The following CASZ1 variants were observed in gnomAD, a reference collection of about 807,000 sequenced individuals.
CASZ1 encodes castor zinc finger 1.
CASZ1 carries 28 observed loss-of-function variants against 135.2 expected under a neutral mutation model. The observed-to-expected ratio is 0.21, with a 90% CI of 0.15 to 0.28. The LOEUF (loss-of-function observed/expected upper bound fraction) is 0.28, where lower values mean the gene tolerates loss of function less well. Among genes scored for constraint, CASZ1 ranks in the 10% least tolerant of loss-of-function variants. The pLI is 1.00. For missense variants in CASZ1, 2,161 were observed against 2,453.3 expected, an observed-to-expected ratio of 0.88 and a Z score of 2.52; for synonymous variants, 1,068 against 1,073.4, an observed-to-expected ratio of 0.99 and a Z score of 0.10.
chr1:10,654,430 G>A lies in CASZ1; in HGVS notation c.1827C>T (p.His609=). Residue 609 remains histidine (H), a synonymous_variant, in exon 10 of 21, where the codon CAC becomes CAT. Coordinates refer to ENST00000377022, the MANE Select transcript of CASZ1 (RefSeq NM_001079843.3). ...AGGCTCCCGCTTACCTGCAGTGGAA[G>A]TGCGTGGTCTTCTGTCCGTAGAACT... is the stretch of plus-strand genomic sequence containing the variant. ...DCQFYGQKTT[H]FHCRRPGCTF... 21 of 1,614,008 alleles carry A rather than the reference G, an allele frequency of 1.3e-5. No individual in the cohort carries two copies. The highest frequency in any genetic ancestry group is 1.4e-5 in the Non-Finnish European group (17 of 1,179,922).
At chr1:10,730,810 T>TA (rs1570534392) in intron 2 of CASZ1, among the ~76,000 whole-genome samples, 1 of 152,172 alleles carries the variant, frequency 6.6e-6, no homozygotes, top group Non-Finnish European at 1.5e-5. Context: ...CTGTGATTTT[T>TA]AAAAAACATC....
chr1:10,670,131 G>A lies in CASZ1; in HGVS notation c.17-4560C>T, dbSNP rs563254795. On this transcript the variant is annotated intron_variant, in intron 4 of 20. Transcript: ENST00000377022. ...CTGCCTTCCCACTGCCAGGCAGCTC[G>A]GGGGCCACTCTGGTAGCTGCCCTGG... Among the ~76,000 whole-genome samples, 16 of 152,306 alleles carry A rather than the reference G, an allele frequency of 1.1e-4. No homozygotes were observed. In the East Asian group the frequency reaches 1.4e-3, roughly 13 times the overall value.
In CASZ1 at chr1:10,756,443, G is replaced by A. The variant is rs577748918; in HGVS notation, c.-77+4258C>T. Among the ~76,000 whole-genome samples the A allele has an allele frequency of 3.3e-5, 5 of 152,358 alleles. No individual in the cohort carries two copies. The highest frequency in any genetic ancestry group is 6.5e-5 in the Admixed American group (1 of 15,314). On this transcript the variant is annotated intron_variant, in intron 2 of 20. Transcript: ENST00000377022. The surrounding 1 kb of genome is among the most constrained non-coding windows in gnomAD (Gnocchi z 5.9). ...GTTGCCAGCAAGGGCAAGTGCTCACGCGAGCCCGGCAGCCGGCTGTGACAG... is the reference window on the plus strand; with the variant it reads ...GTTGCCAGCAAGGGCAAGTGCTCACACGAGCCCGGCAGCCGGCTGTGACAG...
At chr1:10,675,819 G>C (rs1230901233) in intron 4 of CASZ1, among the ~76,000 whole-genome samples, 1 of 138,780 alleles carries the variant, frequency 7.2e-6, no homozygotes, top group Non-Finnish European at 1.5e-5. Context: ...AACAAAGGGA[G>C]AAAGTGGCCA....
rs2100449464 is a variant in CASZ1, at chr1:10,707,938, A to G, written c.-76-2394T>C. On this transcript the variant is annotated intron_variant, in intron 2 of 20. Coordinates refer to ENST00000377022, the MANE Select transcript of CASZ1 (RefSeq NM_001079843.3). This position sits in a 1 kb window ranked among gnomAD's most constrained non-coding sequence, Gnocchi z 5.0. ...GGGGCCCTACACTCAGCGGGGCTGA[A>G]GTGAAGTGAACTCTTCCAGGCTAAG... Among the ~76,000 whole-genome samples the G allele has an allele frequency of 6.6e-6, 1 of 152,302 alleles. No homozygotes were observed. Among genetic ancestry groups the G allele is most frequent in the South Asian group, 2.1e-4 (1 of 4,824 alleles).
Position 10,639,931 on chromosome 1 carries a change from G to A in CASZ1, c.4291C>T (p.Leu1431=), listed in dbSNP as rs1321042866. The change falls in exon 21 of 21, where the codon CTG becomes TTG. Residue 1431 remains leucine (L), a synonymous_variant. Coordinates refer to ENST00000377022, the MANE Select transcript of CASZ1 (RefSeq NM_001079843.3). This position sits in a 1 kb window ranked among gnomAD's most constrained non-coding sequence, Gnocchi z 4.0. ...AGGTCGAAGCGCCGGAAGCCCTCCA[G>A]CATCATGCCCTCGTCCAGCATCTTC... ...SRKMLDEGMM[L]EGFRRFDLYE... 2.5e-6 allele frequency: 4 copies of A among 1,612,854 alleles called. No homozygotes were observed. The highest frequency in any genetic ancestry group is 1.7e-6 in the Non-Finnish European group (2 of 1,180,028).
rs1033097086 is a variant in CASZ1, at chr1:10,717,917, C to T, written c.-76-12373G>A. On this transcript the variant is annotated intron_variant, in intron 2 of 20. Coordinates refer to ENST00000377022, the MANE Select transcript of CASZ1 (RefSeq NM_001079843.3). This position sits in a 1 kb window ranked among gnomAD's most constrained non-coding sequence, Gnocchi z 4.6. ...TGGTGGGCCTTTAAGGCTGTGCAGC[C>T]GCTGCGAGCACGCCTGGTCGCCTCA... Among the ~76,000 whole-genome samples, 4 of 152,244 alleles carry T rather than the reference C, an allele frequency of 2.6e-5. No homozygotes were observed. Among genetic ancestry groups the T allele is most frequent in the Non-Finnish European group, 5.9e-5 (4 of 68,042 alleles).
At chr1:10,703,627 A>T (rs1639109153) in intron 3 of CASZ1, among the ~76,000 whole-genome samples, 1 of 151,942 alleles carries the variant, frequency 6.6e-6, no homozygotes, top group Non-Finnish European at 1.5e-5. Flanking sequence ...TTTTTTTTTC[A>T]AGGTGCTCCC....
In CASZ1 at chr1:10,663,480, GC is replaced by G. The variant is rs551409227; in HGVS notation, c.505+1602del. ...ACCTCAAGCTACACAGGGTTGGGGGGCCCAGCTAGGGAGGAGTGGGCTCTGG... is the reference window on the plus strand; with the variant it reads ...ACCTCAAGCTACACAGGGTTGGGGGGCCAGCTAGGGAGGAGTGGGCTCTGG... On this transcript the variant is annotated intron_variant, in intron 5 of 20. Coordinates refer to ENST00000377022, the MANE Select transcript of CASZ1 (RefSeq NM_001079843.3). Among the ~76,000 whole-genome samples the G allele has an allele frequency of 2.0e-5, 3 of 152,358 alleles. No individual in the cohort carries two copies. The East Asian group carries it at 5.8e-4, about 29-fold the overall frequency.
chr1:10,744,097 C>T (rs557003204), intron 2 of CASZ1, among the ~76,000 whole-genome samples: 90 of 152,280 alleles, frequency 5.9e-4, no homozygotes, highest in Non-Finnish European at 9.1e-4. Context: ...TCAGCCCTTA[C>T]GCCTAGGGTA....
chr1:10,767,549 G>A lies in CASZ1; in HGVS notation c.-233-6692C>T, dbSNP rs192132784. Among the ~76,000 whole-genome samples, 64 of 152,286 alleles carry A rather than the reference G, an allele frequency of 4.2e-4. No homozygotes were observed. Among genetic ancestry groups the A allele is most frequent in the South Asian group, 1.2e-3 (6 of 4,820 alleles). ...GGAGGAGTCAGCAGCTGCCTGCCCCGAGAGGTTTGGTCCACACCTGCTCGG... is the reference window on the plus strand; with the variant it reads ...GGAGGAGTCAGCAGCTGCCTGCCCCAAGAGGTTTGGTCCACACCTGCTCGG... On this transcript the variant is annotated intron_variant, in intron 1 of 20. Transcript: ENST00000377022. This position sits in a 1 kb window ranked among gnomAD's most constrained non-coding sequence, Gnocchi z 4.2.
At position 10,762,163 on chromosome 1, in the gene CASZ1, G is replaced by T. The variant is rs1367658309; in HGVS notation, c.-233-1306C>A. On this transcript the variant is annotated intron_variant, in intron 1 of 20. Coordinates refer to ENST00000377022, the MANE Select transcript of CASZ1 (RefSeq NM_001079843.3). This position sits in a 1 kb window ranked among gnomAD's most constrained non-coding sequence, Gnocchi z 4.1. ...GGGGGAGTTGGCTCTTTGAAGGTGA[G>T]AGCTTCAGCATCAGCTCTGCCCTAC... Among the ~76,000 whole-genome samples the T allele has an allele frequency of 6.6e-6, 1 of 152,038 alleles. No homozygotes were observed. The highest frequency in any genetic ancestry group is 1.5e-5 in the Non-Finnish European group (1 of 67,994).
intron 1 of CASZ1, among the ~76,000 whole-genome samples, chr1:10,778,228 T>C (rs1332929303): frequency 1.3e-5 from 2 of 150,366 alleles, no homozygotes; most frequent in Non-Finnish European, 3.0e-5. Context: ...CACAATCTCA[T>C]ACACAATCAC....
chr1:10,677,020 G>A (rs568292296), intron 4 of CASZ1, among the ~76,000 whole-genome samples: 1 of 152,348 alleles, frequency 6.6e-6, no homozygotes, highest in South Asian at 2.1e-4. Context: ...CACGTAGGAC[G>A]TGAAGGAAAG....
At chr1:10,771,464 G>A (rs971155925) in intron 1 of CASZ1, among the ~76,000 whole-genome samples, 5 of 151,906 alleles carry the variant, frequency 3.3e-5, no homozygotes, top group Non-Finnish European at 4.4e-5. Context: ...AATCAGCCCT[G>A]TGAGGTACGC....
intron 1 of CASZ1, among the ~76,000 whole-genome samples, chr1:10,769,263 G>A (rs534637685): frequency 3.3e-5 from 5 of 152,380 alleles, no homozygotes; most frequent in Non-Finnish European, 7.3e-5. Context: ...GAACACTCCA[G>A]TGGCTGTGTG....
chr1:10,675,076 A>G (rs1329488142), intron 4 of CASZ1, among the ~76,000 whole-genome samples: 1 of 152,054 alleles, frequency 6.6e-6, no homozygotes, highest in African/African-American at 2.4e-5. Flanking sequence ...ACATTCCCAC[A>G]TCGCATAAAG....
rs147506563 is a variant in CASZ1, at chr1:10,653,798, G to A, written c.2259C>T (p.Ala753=). 4.1e-4 allele frequency: 665 copies of A among 1,609,802 alleles called. 5 individuals carry two copies. The East Asian group carries it at 4.8e-3, about 12-fold the overall frequency. ...GCCCAGCCTCGGTGGCGGCAGTGGC[G>A]GCAGCCAGGGACGCAGAGGACTGCT... ...TSQQSSASLA[A]ATAATEAGPS... Residue 753 remains alanine (A), a synonymous_variant, in exon 11 of 21, where the codon GCC becomes GCT. Coordinates refer to ENST00000377022, the MANE Select transcript of CASZ1 (RefSeq NM_001079843.3).
At position 10,711,055 on chromosome 1, in the gene CASZ1, C is replaced by T. The variant is rs574872403; in HGVS notation, c.-76-5511G>A. On this transcript the variant is annotated intron_variant, in intron 2 of 20. Coordinates refer to ENST00000377022, the MANE Select transcript of CASZ1 (RefSeq NM_001079843.3). This position sits in a 1 kb window ranked among gnomAD's most constrained non-coding sequence, Gnocchi z 4.4. Reference sequence around the variant, plus strand: ...CTGAGGCGTGAGAATCATTTGAACCCGGGAGGCAGAGGTTGCAGTGAGCTG... The same window carrying T: ...CTGAGGCGTGAGAATCATTTGAACCTGGGAGGCAGAGGTTGCAGTGAGCTG... Among the ~76,000 whole-genome samples the T allele has an allele frequency of 3.9e-5, 6 of 152,296 alleles. No homozygotes were observed. The highest frequency in any genetic ancestry group is 1.9e-4 in the East Asian group (1 of 5,190).
Sources: allele counts gnomAD v4.1 joint callset (sites outside exome capture counted in the v4.1 genomes callset), GRCh38; gene constraint gnomAD v4.1.1; non-coding constraint Gnocchi (gnomAD v3.1); transcripts MANE v1.5; gene names NCBI Gene and HGNC (gene_info 2026-07-23, HGNC 2026-07-21).